LYPLAL1: variants seen among roughly 807,000 people sequenced by gnomAD.
LYPLAL1 encodes the protein lysophospholipase-like protein 1.
A neutral mutation model predicts 19.7 loss-of-function variants in LYPLAL1; 23 were observed. The observed-to-expected ratio is 1.17, with a 90% CI of 0.84 to 1.65. The LOEUF is 1.65. LYPLAL1 is among the 40% of genes most tolerant of loss of function. LYPLAL1 has a pLI of 0.00. For synonymous variants in LYPLAL1, 119 were observed against 96.3 expected (o/e 1.24, Z -1.38); for missense variants, 355 against 279.4 (o/e 1.27, Z -1.93).
At chr1:219,401,907 A>T in the LYPLAL1 span, among the ~76,000 whole-genome samples, 2 of 152,192 alleles carry the variant, frequency 1.3e-5, no homozygotes, top group African/African-American at 4.8e-5. Context: ...GTGTTTACAT[A>T]TTTGACAAAT....
At chr1:219,385,955 A>G in the LYPLAL1 span, among the ~76,000 whole-genome samples, 8 of 152,318 alleles carry the variant, frequency 5.3e-5, no homozygotes, top group African/African-American at 1.9e-4. Flanking sequence ...TAGCCTTTGA[A>G]ACACATTGTT....
the LYPLAL1 span, among the ~76,000 whole-genome samples, chr1:219,224,395 A>G: frequency 6.6e-6 from 1 of 152,146 alleles, no homozygotes; most frequent in African/African-American, 2.4e-5. Context: ...TAATTACCCT[A>G]TGAAGTGTCG....
the LYPLAL1 span, among the ~76,000 whole-genome samples, chr1:219,348,582 T>C: frequency 2.0e-5 from 3 of 152,218 alleles, no homozygotes; most frequent in Non-Finnish European, 4.4e-5. Context: ...TGAGTACTGA[T>C]ATACTCGACT....
intron 1 of LYPLAL1, among the ~76,000 whole-genome samples, chr1:219,177,649 C>A (rs1312221653): frequency 6.6e-6 from 1 of 152,236 alleles, no homozygotes; most frequent in Non-Finnish European, 1.5e-5. Flanking sequence ...ATAACAAATC[C>A]GTTGCCAATC....
At chr1:219,260,404 G>T in the LYPLAL1 span, among the ~76,000 whole-genome samples, 1 of 151,528 alleles carries the variant, frequency 6.6e-6, no homozygotes, top group African/African-American at 2.4e-5. Context: ...GAACTAATCA[G>T]AATAAAGAAG....
chr1:219,317,879 C>G, the LYPLAL1 span, among the ~76,000 whole-genome samples: 1 of 152,156 alleles, frequency 6.6e-6, no homozygotes, highest in Non-Finnish European at 1.5e-5. Flanking sequence ...CCTTTAAGAT[C>G]CATAGCAACA....
At chr1:219,248,277 T>C in the LYPLAL1 span, among the ~76,000 whole-genome samples, 7 of 152,184 alleles carry the variant, frequency 4.6e-5, no homozygotes, top group East Asian at 1.3e-3. Flanking sequence ...ATCTCTGGGC[T>C]CTGACACTCT....
At chr1:219,342,714 A>C in the LYPLAL1 span, among the ~76,000 whole-genome samples, 1 of 152,214 alleles carries the variant, frequency 6.6e-6, no homozygotes, top group South Asian at 2.1e-4. Context: ...TGGTTAAAAA[A>C]TGAAAAATTC....
chr1:219,365,384 G>C, the LYPLAL1 span, among the ~76,000 whole-genome samples: 2 of 152,058 alleles, frequency 1.3e-5, no homozygotes, highest in South Asian at 4.1e-4. Flanking sequence ...TTTATTTTCT[G>C]AGCCACTTAA....
the LYPLAL1 span, among the ~76,000 whole-genome samples, chr1:219,401,359 C>T: frequency 2.1e-5 from 2 of 95,574 alleles, no homozygotes; most frequent in African/African-American, 3.0e-5. Context: ...TTAATTGCCA[C>T]TTAACCCTGC....
At chr1:219,272,590 G>A in the LYPLAL1 span, 5 of 152,206 alleles carry the variant, frequency 3.3e-5, no homozygotes, top group African/African-American at 1.2e-4. Context: ...GGCCAATATG[G>A]TGAAACCCCA....
rs567655710 is a variant in LYPLAL1 at position 219,196,087 on chromosome 1, C to T, written c.361+2836C>T. On this transcript the variant is annotated intron_variant, in intron 3 of 4. Transcript: ENST00000366928. Reference sequence around the variant, plus strand: ...CTTTACCCAGTCTGTCATTGATGGGCGTTTGGATTGATTCATGTCTGCTAT... The same window carrying T: ...CTTTACCCAGTCTGTCATTGATGGGTGTTTGGATTGATTCATGTCTGCTAT... Among the ~76,000 whole-genome samples, 149 of 152,160 alleles carry T rather than the reference C, an allele frequency of 9.8e-4. 1 individual carries two copies. Among genetic ancestry groups the T allele is most frequent in the African/African-American group, 2.7e-3 (114 of 41,516 alleles).
the LYPLAL1 span, among the ~76,000 whole-genome samples, chr1:219,229,507 A>T: frequency 7.3e-3 from 1,119 of 152,254 alleles, 4 homozygotes; most frequent in South Asian, 0.022. Context: ...AAGCCCATGT[A>T]TCATCCGATT....
the LYPLAL1 span, among the ~76,000 whole-genome samples, chr1:219,300,078 A>G: frequency 3.3e-5 from 5 of 152,108 alleles, no homozygotes; most frequent in Non-Finnish European, 5.9e-5. Context: ...TCCTGGGCTC[A>G]GGCTATCTTC....
chr1:219,414,433 C>T, the LYPLAL1 span, among the ~76,000 whole-genome samples: 5 of 152,246 alleles, frequency 3.3e-5, no homozygotes, highest in Admixed American at 6.5e-5. Context: ...AGCAAATATC[C>T]GGACTTAAAT....
Position 219,193,065 on chromosome 1 carries a change from G to GA in LYPLAL1, c.192-17_192-16insA, listed in dbSNP as rs764996819. On this transcript the variant is annotated splice_polypyrimidine_tract_variant and intron_variant, in intron 2 of 4. Coordinates refer to ENST00000366928, the MANE Select transcript of LYPLAL1 (RefSeq NM_138794.5). Reference sequence around the variant, plus strand: ...TTTTCCTTTCTTTTTTTTTGGGGGGGGGCGGTTGTTAAACAGATCATATAC... The same window carrying GA: ...TTTTCCTTTCTTTTTTTTTGGGGGGGAGGCGGTTGTTAAACAGATCATATAC... 13 of 1,516,846 alleles carry GA rather than the reference G, an allele frequency of 8.6e-6. No homozygotes were observed. Among genetic ancestry groups the GA allele is most frequent in the African/African-American group, 2.8e-5 (2 of 70,492 alleles). The allele number at this position is 1,516,846 out of a possible 1,614,324, so 94.0% of individuals were successfully genotyped here.
chr1:219,418,484 G>A, the LYPLAL1 span, among the ~76,000 whole-genome samples: 2 of 152,164 alleles, frequency 1.3e-5, no homozygotes, highest in Admixed American at 1.3e-4. Flanking sequence ...TTTTAAAACA[G>A]ACTATTTTTT....
the LYPLAL1 span, among the ~76,000 whole-genome samples, chr1:219,299,300 G>A: frequency 2.0e-5 from 3 of 151,938 alleles, no homozygotes; most frequent in African/African-American, 7.3e-5. Context: ...AACCTACCAG[G>A]GCGAGCAAAC....
chr1:219,268,174 G>A, the LYPLAL1 span, among the ~76,000 whole-genome samples: 1 of 151,750 alleles, frequency 6.6e-6, no homozygotes, highest in Admixed American at 6.6e-5. Context: ...GGGGACAGAG[G>A]AAAACCTAAG....
Sources: allele counts gnomAD v4.1 joint callset (sites outside exome capture counted in the v4.1 genomes callset), GRCh38; gene constraint gnomAD v4.1.1; transcripts MANE v1.5; gene names NCBI Gene and HGNC (gene_info 2026-07-23, HGNC 2026-07-21).